Variants in MAF observed in about 807,000 individuals in gnomAD.
The protein encoded by MAF is transcription factor Maf.
Under a neutral mutation model 22.0 loss-of-function variants are expected in MAF, and 10 were observed. The observed-to-expected ratio is 0.45, with a 90% CI of 0.28 to 0.77. MAF has a LOEUF of 0.77. Among genes scored for constraint, MAF ranks in the 30% least tolerant of loss-of-function variants. The pLI, the probability that MAF is intolerant of heterozygous loss-of-function variation, is 0.12. For missense variants in MAF, 544 were observed against 548.4 expected (o/e 0.99, Z 0.08); for synonymous variants, 337 against 255.8 (o/e 1.32, Z -3.03).
the MAF span, among the ~76,000 whole-genome samples, chr16:79,539,407 G>A: frequency 1.3e-5 from 2 of 152,150 alleles, no homozygotes; most frequent in African/African-American, 2.4e-5. Context: ...AGGGGGCTGA[G>A]GCAAGAGAAT....
the MAF span, among the ~76,000 whole-genome samples, chr16:79,309,383 T>C: frequency 6.6e-6 from 1 of 152,230 alleles, no homozygotes; most frequent in Non-Finnish European, 1.5e-5. Context: ...CTCCCCACCT[T>C]CATCTCTCCA....
the MAF span, among the ~76,000 whole-genome samples, chr16:79,445,404 T>C: frequency 9.2e-5 from 14 of 152,302 alleles, no homozygotes; most frequent in Admixed American, 6.5e-5. Context: ...GTTTGTTTAA[T>C]CCATTTACTC....
At chr16:79,450,176 A>C in the MAF span, among the ~76,000 whole-genome samples, 2,352 of 152,356 alleles carry the variant, frequency 0.015, 26 homozygotes, top group South Asian at 0.025. Flanking sequence ...AGTAACGAGT[A>C]AAGTGTTGTT....
the MAF span, among the ~76,000 whole-genome samples, chr16:79,226,100 T>C: frequency 6.6e-6 from 1 of 152,186 alleles, no homozygotes; most frequent in Non-Finnish European, 1.5e-5. Context: ...TGCAGTACTG[T>C]GCACAGTAGT....
the MAF span, among the ~76,000 whole-genome samples, chr16:79,522,682 G>A: frequency 6.6e-6 from 1 of 152,152 alleles, no homozygotes; most frequent in Non-Finnish European, 1.5e-5. Context: ...AAGTGCTCTG[G>A]GAGTACAGAG....
At chr16:79,243,184 A>C in the MAF span, among the ~76,000 whole-genome samples, 1 of 151,984 alleles carries the variant, frequency 6.6e-6, no homozygotes, top group African/African-American at 2.4e-5. Context: ...AGCAGAAAAC[A>C]AGAAATAACT....
At chr16:79,320,419 G>C in the MAF span, among the ~76,000 whole-genome samples, 313 of 152,286 alleles carry the variant, frequency 2.1e-3, no homozygotes, top group Non-Finnish European at 3.3e-3. Context: ...GCTGCTTCAT[G>C]AGGCAGAGTG....
chr16:79,323,086 C>CT, the MAF span, among the ~76,000 whole-genome samples: 8 of 128,016 alleles, frequency 6.2e-5, no homozygotes, highest in South Asian at 5.4e-4. Flanking sequence ...GGAGGCAGAG[C>CT]TTGCAGTGAG....
chr16:79,320,397 G>A, the MAF span, among the ~76,000 whole-genome samples: 2 of 152,174 alleles, frequency 1.3e-5, no homozygotes, highest in Non-Finnish European at 2.9e-5. Flanking sequence ...GAATTTGGCT[G>A]CAGGACACGC....
At chr16:79,274,343 A>G in the MAF span, among the ~76,000 whole-genome samples, 104,568 of 151,456 alleles carry the variant, frequency 0.69, 36,745 homozygotes, top group Admixed American at 0.74. Flanking sequence ...GTGCTCACTC[A>G]GACACTAGTC....
chr16:79,345,335 T>C, the MAF span, among the ~76,000 whole-genome samples: 1 of 152,146 alleles, frequency 6.6e-6, no homozygotes, highest in East Asian at 1.9e-4. Context: ...TCATCCAAAT[T>C]TGTCCTAAAA....
downstream of MAF, among the ~76,000 whole-genome samples, chr16:79,591,688 C>T (rs1278172881): frequency 1.3e-5 from 2 of 152,168 alleles, no homozygotes; most frequent in African/African-American, 2.4e-5. Context: ...GTTTGCTCTT[C>T]CCATCTCAGC....
At chr16:79,432,536 A>G in the MAF span, among the ~76,000 whole-genome samples, 1 of 152,190 alleles carries the variant, frequency 6.6e-6, no homozygotes, top group Non-Finnish European at 1.5e-5. Context: ...TTTCTCTCAA[A>G]ATACTGTAAT....
chr16:79,336,668 C>T, the MAF span, among the ~76,000 whole-genome samples: 3 of 152,204 alleles, frequency 2.0e-5, no homozygotes, highest in Admixed American at 2.0e-4. Context: ...GGCCCAAGGT[C>T]ACAAAGCTGA....
chr16:79,562,180 A>T, the MAF span, among the ~76,000 whole-genome samples: 4 of 152,300 alleles, frequency 2.6e-5, no homozygotes, highest in East Asian at 7.7e-4. Context: ...TAATATTCAG[A>T]CCACGTCTAG....
At chr16:79,263,996 G>A in the MAF span, among the ~76,000 whole-genome samples, 1 of 152,152 alleles carries the variant, frequency 6.6e-6, no homozygotes, top group East Asian at 1.9e-4. Context: ...CTTTCCTGTG[G>A]CAAGAGAGCC....
intron 1 of MAF, among the ~76,000 whole-genome samples, chr16:79,586,778 A>G (rs1429414608): frequency 1.3e-5 from 2 of 152,228 alleles, no homozygotes; most frequent in Admixed American, 6.5e-5. Flanking sequence ...ATTTCTTCCT[A>G]TAGCTAGTCA....
At chr16:79,398,427 G>A in the MAF span, among the ~76,000 whole-genome samples, 2 of 152,152 alleles carry the variant, frequency 1.3e-5, no homozygotes, top group Admixed American at 6.5e-5. Flanking sequence ...TCAGGGATTA[G>A]AGCACAGATA....
At chr16:79,389,100 C>A in the MAF span, among the ~76,000 whole-genome samples, 1 of 152,136 alleles carries the variant, frequency 6.6e-6, no homozygotes, top group East Asian at 1.9e-4. Context: ...GGGGGCTGGA[C>A]AGCGGGTGGC....
Sources: gnomAD v4.1 joint callset for allele counts (sites outside exome capture counted in the v4.1 genomes callset) on GRCh38, gnomAD v4.1.1 for gene constraint, MANE v1.5 for transcripts, NCBI Gene and HGNC (gene_info 2026-07-23, HGNC 2026-07-21) for gene names.